The following TMEM132D variants were observed in gnomAD, a reference collection of about 807,000 sequenced individuals.
TMEM132D encodes the protein transmembrane protein 132D, also known as mature OL transmembrane protein.
Under a neutral mutation model 62.3 loss-of-function variants are expected in TMEM132D, and 21 were observed. The ratio of observed to expected loss-of-function variants is 0.34; its 90% confidence interval spans 0.24 to 0.49. The LOEUF is 0.49. Ranked by LOEUF, TMEM132D falls within the 20% of genes least tolerant of loss-of-function variation. The pLI, the probability that TMEM132D is intolerant of heterozygous loss-of-function variation, is 0.99. For synonymous variants in TMEM132D, 621 were observed against 575.6 expected, an observed-to-expected ratio of 1.08 and a Z score of -1.13; for missense variants, 1,346 against 1,402.8, an observed-to-expected ratio of 0.96 and a Z score of 0.65.
intron 1 of TMEM132D, among the ~76,000 whole-genome samples, chr12:129,861,959 C>A (rs551680071): frequency 6.6e-6 from 1 of 152,042 alleles, no homozygotes; most frequent in Non-Finnish European, 1.5e-5. Flanking sequence ...TGTAGCCACA[C>A]CCAACACACA....
At position 129,523,825 on chromosome 12, in the gene TMEM132D, T is replaced by C. The variant is rs149185454; in HGVS notation, c.1115+7234A>G. On this transcript the variant is annotated intron_variant, in intron 3 of 8. Coordinates refer to ENST00000422113, the MANE Select transcript of TMEM132D (RefSeq NM_133448.3). ...AATGGGGTTCATCATTCCCCTTGACTGCCAGGCCATATGCTTGAATTACTG... is the reference window on the plus strand; with the variant it reads ...AATGGGGTTCATCATTCCCCTTGACCGCCAGGCCATATGCTTGAATTACTG... Among the ~76,000 whole-genome samples, 57 of 152,296 alleles carry C rather than the reference T, an allele frequency of 3.7e-4. 1 individual carries two copies. The highest frequency in any genetic ancestry group is 1.3e-3 in the African/African-American group (55 of 41,558).
At chr12:129,240,508 C>T (rs1009939948) in intron 4 of TMEM132D, among the ~76,000 whole-genome samples, 1 of 152,012 alleles carries the variant, frequency 6.6e-6, no homozygotes, top group Non-Finnish European at 1.5e-5. Context: ...TCAACCTAGA[C>T]CATATATTGT....
intron 2 of TMEM132D, among the ~76,000 whole-genome samples, chr12:129,608,626 G>A (rs1436437648): frequency 6.6e-6 from 1 of 152,176 alleles, no homozygotes; most frequent in East Asian, 1.9e-4. Flanking sequence ...TTACAGCTAA[G>A]AAAGAACCTA....
At chr12:129,715,640 C>T (rs929168043) in intron 1 of TMEM132D, among the ~76,000 whole-genome samples, 3 of 152,204 alleles carry the variant, frequency 2.0e-5, no homozygotes. Flanking sequence ...CTTTACTCCA[C>T]GGAAATCTGT....
chr12:129,375,090 A>C (rs956281016), intron 3 of TMEM132D, among the ~76,000 whole-genome samples: 2 of 151,972 alleles, frequency 1.3e-5, no homozygotes, highest in African/African-American at 4.8e-5. Flanking sequence ...CAGCCACAAC[A>C]CTCTGCTCCG....
At position 129,554,597 on chromosome 12, in the gene TMEM132D, C is replaced by T. The variant is rs192181618; in HGVS notation, c.969-23392G>A. Among the ~76,000 whole-genome samples the T allele has an allele frequency of 5.2e-4, 79 of 152,288 alleles. 1 individual carries two copies. The highest frequency in any genetic ancestry group is 1.8e-3 in the African/African-American group (76 of 41,550). On this transcript the variant is annotated intron_variant, in intron 2 of 8. Transcript: ENST00000422113. ...CTTTAGACAACCCTCTCTTCTGAAT[C>T]TTGTCCACCTATAACCACCTTCTCT...
intron 4 of TMEM132D, among the ~76,000 whole-genome samples, chr12:129,251,336 C>A (rs977024205): frequency 2.5e-4 from 30 of 121,614 alleles, no homozygotes; most frequent in Admixed American, 2.3e-3. Context: ...TCCAGCCTGG[C>A]GACAGAGTGA....
In TMEM132D at chr12:129,271,911, T is replaced by C. The variant is rs544807686; in HGVS notation, c.1300-62248A>G. 1.2e-3 allele frequency among the ~76,000 whole-genome samples: 177 copies of C among 152,062 alleles called. 7 individuals are homozygous for C. The highest frequency in any genetic ancestry group is 4.1e-3 in the African/African-American group (168 of 41,310). ...TTTCTAGTAGAATGTTTTATAATCC[T>C]TTGGGTATATACCCCATAATGGGAT... On this transcript the variant is annotated intron_variant, in intron 4 of 8. Coordinates refer to ENST00000422113, the MANE Select transcript of TMEM132D (RefSeq NM_133448.3).
intron 3 of TMEM132D, among the ~76,000 whole-genome samples, chr12:129,405,962 C>T (rs1566059020): frequency 6.6e-6 from 1 of 152,132 alleles, no homozygotes; most frequent in African/African-American, 2.4e-5. Context: ...GCATGTTAGA[C>T]AAATCAATTA....
At chr12:129,452,520 A>G (rs1483270314) in intron 3 of TMEM132D, among the ~76,000 whole-genome samples, 1 of 152,214 alleles carries the variant, frequency 6.6e-6, no homozygotes, top group Non-Finnish European at 1.5e-5. Flanking sequence ...AGCCAAGTCT[A>G]CAACTGAGGG....
intron 5 of TMEM132D, among the ~76,000 whole-genome samples, chr12:129,194,869 C>T (rs1878504164): frequency 6.6e-6 from 1 of 152,118 alleles, no homozygotes; most frequent in Non-Finnish European, 1.5e-5. Flanking sequence ...AACCAGAATC[C>T]TCTATGTGAC....
chr12:129,327,215 C>T (rs910909050), intron 4 of TMEM132D, among the ~76,000 whole-genome samples: 1 of 152,014 alleles, frequency 6.6e-6, no homozygotes, highest in Non-Finnish European at 1.5e-5. Flanking sequence ...AGCCAGTGGG[C>T]GGGGCAGCCT....
At chr12:129,381,922 G>C (rs1466203356) in intron 3 of TMEM132D, among the ~76,000 whole-genome samples, 2 of 152,148 alleles carry the variant, frequency 1.3e-5, no homozygotes, top group Non-Finnish European at 2.9e-5. Flanking sequence ...GGTTCTGCCT[G>C]TTTTGGTACT....
At chr12:129,597,469 T>C (rs1249865532) in intron 2 of TMEM132D, among the ~76,000 whole-genome samples, 1 of 152,104 alleles carries the variant, frequency 6.6e-6, no homozygotes, top group African/African-American at 2.4e-5. Flanking sequence ...GTAAGTAAAA[T>C]GATTATAAAG....
intron 2 of TMEM132D, among the ~76,000 whole-genome samples, chr12:129,621,310 C>A (rs886700149): frequency 6.6e-6 from 1 of 152,178 alleles, no homozygotes; most frequent in Non-Finnish European, 1.5e-5. Context: ...AAACAGCACC[C>A]GACTGTCCCC....
intron 4 of TMEM132D, among the ~76,000 whole-genome samples, chr12:129,259,584 A>G (rs60877564): frequency 0.025 from 3,818 of 152,206 alleles, 159 homozygotes; most frequent in African/African-American, 0.087. Context: ...TTCATAACCT[A>G]TCTTACATAT....
rs1451905 is a variant in TMEM132D, at chr12:129,779,711, G to A, written c.80-79013C>T. 0.02 allele frequency among the ~76,000 whole-genome samples: 3,086 copies of A among 152,194 alleles called. 114 individuals are homozygous for A. Among genetic ancestry groups the A allele is most frequent in the African/African-American group, 0.071 (2,931 of 41,522 alleles). Reference sequence around the variant, plus strand: ...CAGGCCCCACCCATTTTTAGACACAGCTCTTGTTCTGGCGAGTCTCATTAC... The same window carrying A: ...CAGGCCCCACCCATTTTTAGACACAACTCTTGTTCTGGCGAGTCTCATTAC... On this transcript the variant is annotated intron_variant, in intron 1 of 8. Transcript: ENST00000422113. The surrounding 1 kb of genome is among the most constrained non-coding windows in gnomAD (Gnocchi z 4.1).
At chr12:129,286,088 T>C (rs1040462137) in intron 4 of TMEM132D, among the ~76,000 whole-genome samples, 1 of 152,222 alleles carries the variant, frequency 6.6e-6, no homozygotes, top group African/African-American at 2.4e-5. Context: ...CTCCTCAGTG[T>C]CCAATTCTGG....
At chr12:129,666,564 C>T (rs1880383397) in intron 2 of TMEM132D, among the ~76,000 whole-genome samples, 1 of 152,174 alleles carries the variant, frequency 6.6e-6, no homozygotes, top group African/African-American at 2.4e-5. Flanking sequence ...CAAACTATTT[C>T]CTTGACTTTT....
Sources: gnomAD v4.1 joint callset for allele counts (sites outside exome capture counted in the v4.1 genomes callset) on GRCh38, gnomAD v4.1.1 for gene constraint, Gnocchi (gnomAD v3.1) non-coding constraint, MANE v1.5 for transcripts, NCBI Gene and HGNC (gene_info 2026-07-23, HGNC 2026-07-21) for gene names.